HS6ST3: variants seen among roughly 807,000 people sequenced by gnomAD.
HS6ST3 encodes the protein heparan sulfate 6-O-sulfotransferase 3, also known as heparan-sulfate 6-O-sulfotransferase 3.
HS6ST3 carries 12 observed loss-of-function variants against 36.7 expected under a neutral mutation model. The observed-to-expected ratio is 0.33, with a 90% CI of 0.21 to 0.53. The LOEUF is 0.53. Among genes scored for constraint, HS6ST3 ranks in the 20% least tolerant of loss-of-function variants. HS6ST3 has a pLI of 0.95. For synonymous variants in HS6ST3, 240 were observed against 257.5 expected (o/e 0.93, Z 0.65); for missense variants, 584 against 640.9 (o/e 0.91, Z 0.96).
intron 1 of HS6ST3, among the ~76,000 whole-genome samples, chr13:96,563,397 A>T (rs544513885): frequency 6.6e-6 from 1 of 152,316 alleles, no homozygotes; most frequent in South Asian, 2.1e-4. Flanking sequence ...GAGTAGCAGG[A>T]TTTGTTTTTC....
At chr13:96,304,499 A>C (rs7328539) in intron 1 of HS6ST3, among the ~76,000 whole-genome samples, 2,628 of 152,140 alleles carry the variant, frequency 0.017, 76 homozygotes, top group African/African-American at 0.059. Context: ...TGCCTTAGTT[A>C]ATAGGAGTGA....
chr13:96,743,968 G>T (rs1876502944), intron 1 of HS6ST3, among the ~76,000 whole-genome samples: 1 of 151,374 alleles, frequency 6.6e-6, no homozygotes, highest in Non-Finnish European at 1.5e-5. Flanking sequence ...TTCTCTTTTT[G>T]AATTTTCACT....
chr13:96,457,150 A>G (rs772436314), intron 1 of HS6ST3, among the ~76,000 whole-genome samples: 12 of 152,064 alleles, frequency 7.9e-5, no homozygotes, highest in Admixed American at 2.0e-4. Context: ...TATTGTTTTT[A>G]CTCTGAAGTA....
At chr13:96,236,017 G>GTACGGAA (rs1162303221) in intron 1 of HS6ST3, among the ~76,000 whole-genome samples, 1 of 152,158 alleles carries the variant, frequency 6.6e-6, no homozygotes, top group African/African-American at 2.4e-5. Flanking sequence ...TGTGGCCAAA[G>GTACGGAA]GCCAGAGAGT....
At chr13:96,630,673 G>A (rs1486453496) in intron 1 of HS6ST3, among the ~76,000 whole-genome samples, 3 of 151,996 alleles carry the variant, frequency 2.0e-5, no homozygotes, top group Non-Finnish European at 2.9e-5. Context: ...ACAGGATTTG[G>A]CTAATATTCT....
intron 1 of HS6ST3, among the ~76,000 whole-genome samples, chr13:96,478,904 T>C (rs1453534402): frequency 1.3e-5 from 2 of 152,208 alleles, no homozygotes; most frequent in Non-Finnish European, 2.9e-5. Context: ...ATCCTTTCTC[T>C]TTCCTTCTGT....
At chr13:96,167,152 G>A (rs1328266557) in intron 1 of HS6ST3, among the ~76,000 whole-genome samples, 1 of 152,136 alleles carries the variant, frequency 6.6e-6, no homozygotes, top group Non-Finnish European at 1.5e-5. Flanking sequence ...GCAAAGACTA[G>A]CGATCAGATC....
At chr13:96,228,996 A>G (rs2054494498) in intron 1 of HS6ST3, among the ~76,000 whole-genome samples, 1 of 152,192 alleles carries the variant, frequency 6.6e-6, no homozygotes, top group Non-Finnish European at 1.5e-5. Flanking sequence ...CATGCAGCTC[A>G]GACAAGAAAA....
chr13:96,581,846 T>C (rs1008547989), intron 1 of HS6ST3, among the ~76,000 whole-genome samples: 1 of 152,136 alleles, frequency 6.6e-6, no homozygotes, highest in Non-Finnish European at 1.5e-5. Context: ...GTTGAGGATA[T>C]AGACTTCACT....
At chr13:96,607,328 G>A (rs957797070) in intron 1 of HS6ST3, among the ~76,000 whole-genome samples, 1 of 152,104 alleles carries the variant, frequency 6.6e-6, no homozygotes, top group African/African-American at 2.4e-5. Flanking sequence ...AAAAACACAC[G>A]AGACATGGAT....
chr13:96,372,185 C>T (rs1007935808), intron 1 of HS6ST3, among the ~76,000 whole-genome samples: 1 of 152,104 alleles, frequency 6.6e-6, no homozygotes, highest in Non-Finnish European at 1.5e-5. Context: ...TCCTAGCAGG[C>T]ATGAAGTGAT....
chr13:96,435,177 G>C (rs1407596637), intron 1 of HS6ST3, among the ~76,000 whole-genome samples: 5 of 152,150 alleles, frequency 3.3e-5, no homozygotes, highest in Non-Finnish European at 5.9e-5. Context: ...AGCTCATGTG[G>C]TTTCAAAGAC....
intron 1 of HS6ST3, among the ~76,000 whole-genome samples, chr13:96,425,932 C>T (rs538879457): frequency 3.2e-4 from 49 of 151,836 alleles, no homozygotes; most frequent in African/African-American, 1.1e-3. Context: ...TGAGCATGCT[C>T]TGTTATTCAC....
chr13:96,763,318 T>C (rs1877013478), intron 1 of HS6ST3, among the ~76,000 whole-genome samples: 2 of 149,488 alleles, frequency 1.3e-5, no homozygotes, highest in Admixed American at 1.3e-4. Flanking sequence ...GTATAATAGG[T>C]TTAATATGAA....
chr13:96,384,198 T>G (rs2055356250), intron 1 of HS6ST3, among the ~76,000 whole-genome samples: 1 of 152,240 alleles, frequency 6.6e-6, no homozygotes, highest in Non-Finnish European at 1.5e-5. Context: ...TAGAGTGAGG[T>G]GTCCTTGGTC....
At chr13:96,143,418 C>A (rs2054041744) in intron 1 of HS6ST3, among the ~76,000 whole-genome samples, 2 of 148,058 alleles carry the variant, frequency 1.4e-5, no homozygotes, top group African/African-American at 2.5e-5. Context: ...ATATAATTTT[C>A]TTAAGCAAAT....
At chr13:96,419,097 A>C (rs543795967) in intron 1 of HS6ST3, among the ~76,000 whole-genome samples, 118 of 152,360 alleles carry the variant, frequency 7.7e-4, no homozygotes, top group Non-Finnish European at 1.5e-3. Context: ...GATGCCTAAA[A>C]TGCCTTTATT....
At chr13:96,261,099 C>A (rs2054664369) in intron 1 of HS6ST3, among the ~76,000 whole-genome samples, 1 of 151,890 alleles carries the variant, frequency 6.6e-6, no homozygotes, top group South Asian at 2.1e-4. Context: ...TTCAATTGAA[C>A]AAATTCATTA....
intron 1 of HS6ST3, among the ~76,000 whole-genome samples, chr13:96,661,713 G>A (rs1334564143): frequency 6.6e-6 from 1 of 152,060 alleles, no homozygotes; most frequent in Non-Finnish European, 1.5e-5. Context: ...ACTTTCACGT[G>A]TTTTTATGAT....
Sources: allele counts gnomAD v4.1 joint callset (sites outside exome capture counted in the v4.1 genomes callset), GRCh38; gene constraint gnomAD v4.1.1; transcripts MANE v1.5; gene names NCBI Gene and HGNC (gene_info 2026-07-23, HGNC 2026-07-21).